TP63: variants seen among roughly 807,000 people sequenced by gnomAD.
The protein encoded by TP63 is tumor protein p63.
TP63 carries 17 observed loss-of-function variants against 82.8 expected under a neutral mutation model. That is an observed-to-expected ratio of 0.21 (90% CI 0.14 to 0.31). The LOEUF (loss-of-function observed/expected upper bound fraction) is 0.31, where lower values mean the gene tolerates loss of function less well. Among genes scored for constraint, TP63 ranks in the 10% least tolerant of loss-of-function variants. The probability of loss-of-function intolerance (pLI) is 1.00; values close to 1 mark genes in which losing one functional copy is unlikely to be tolerated. For missense variants in TP63, 648 were observed against 895.3 expected (o/e 0.72, Z 3.52); for synonymous variants, 330 against 321.7 (o/e 1.03, Z -0.28).
At chr3:189,861,773 TAA>T in intron 4 of TP63, among the ~76,000 whole-genome samples, 1 of 152,180 alleles carries the variant, frequency 6.6e-6, no homozygotes, top group East Asian at 1.9e-4. Context: ...TAGAAAAAGG[TAA>T]ACATTTGCAT....
At chr3:189,839,572 T>C (rs918432927) in intron 4 of TP63, among the ~76,000 whole-genome samples, 1 of 152,254 alleles carries the variant, frequency 6.6e-6, no homozygotes, top group African/African-American at 2.4e-5. Context: ...TCTTATACGG[T>C]AATATTAACT....
chr3:189,891,427 G>A (rs929749559), intron 13 of TP63, among the ~76,000 whole-genome samples: 6 of 152,126 alleles, frequency 3.9e-5, no homozygotes, highest in South Asian at 2.1e-4. Flanking sequence ...AGATTCAGCC[G>A]TTCCTCTCAA....
At chr3:189,847,535 G>A (rs1046600876) in intron 4 of TP63, among the ~76,000 whole-genome samples, 19 of 152,164 alleles carry the variant, frequency 1.2e-4, no homozygotes, top group South Asian at 4.1e-4. Flanking sequence ...GAGGCCAATC[G>A]TTTTTGAAAA....
At chr3:189,894,161 T>C in intron 13 of TP63, 45 bp from the exon 14 acceptor site, 1 of 1,612,986 alleles carries the variant, frequency 6.2e-7, no homozygotes, top group South Asian at 1.1e-5. Context: ...ATGTCCGTTT[T>C]TCTCCCTGTT....
At chr3:189,740,299 C>T (rs1720889471) in intron 3 of TP63, among the ~76,000 whole-genome samples, 1 of 152,114 alleles carries the variant, frequency 6.6e-6, no homozygotes, top group African/African-American at 2.4e-5. Flanking sequence ...AAAATTAGGA[C>T]ATTCCCAATT....
intron 1 of TP63, among the ~76,000 whole-genome samples, chr3:189,638,176 A>G (rs967254247): frequency 3.3e-5 from 5 of 152,150 alleles, no homozygotes; most frequent in Non-Finnish European, 5.9e-5. Context: ...CATGGCAGCA[A>G]TAGGAAACTA....
At chr3:189,609,055 A>C in the TP63 span, among the ~76,000 whole-genome samples, 1 of 152,122 alleles carries the variant, frequency 6.6e-6, no homozygotes, top group Non-Finnish European at 1.5e-5. Context: ...ATACCTCCAG[A>C]CTGATTGTAC....
At chr3:189,868,164 A>C (rs187443895) in intron 7 of TP63, among the ~76,000 whole-genome samples, 1 of 152,332 alleles carries the variant, frequency 6.6e-6, no homozygotes, top group African/African-American at 2.4e-5. Context: ...AAAGTGTGCA[A>C]GTCACTTCAT....
At chr3:189,609,627 G>A in the TP63 span, among the ~76,000 whole-genome samples, 1 of 152,060 alleles carries the variant, frequency 6.6e-6, no homozygotes, top group African/African-American at 2.4e-5. Context: ...GTGAGAACAT[G>A]CAGTATTTGT....
intron 10 of TP63, among the ~76,000 whole-genome samples, chr3:189,875,122 G>A (rs1718890538): frequency 6.6e-6 from 1 of 151,652 alleles, no homozygotes. Context: ...ACTCAGCTCT[G>A]TGGTTGTAGC....
At chr3:189,765,684 C>T (rs924550822) in intron 3 of TP63, among the ~76,000 whole-genome samples, 25 of 151,614 alleles carry the variant, frequency 1.6e-4, no homozygotes, top group Admixed American at 3.9e-4. Flanking sequence ...CCGCCCACCT[C>T]GGCCTCCCAA....
upstream of TP63, chr3:189,631,129 C>T: frequency 1.5e-6 from 1 of 662,100 alleles, no homozygotes; most frequent in Non-Finnish European, 1.9e-6. Flanking sequence ...TGATGCCATT[C>T]ATGCCAGCAT....
intron 1 of TP63, among the ~76,000 whole-genome samples, chr3:189,709,036 A>T (rs1001068404): frequency 1.3e-5 from 2 of 152,198 alleles, no homozygotes; most frequent in Non-Finnish European, 2.9e-5. Flanking sequence ...CCATATAGTT[A>T]GTTAGATTCA....
At chr3:189,632,607 T>C (rs1331360011) in intron 1 of TP63, among the ~76,000 whole-genome samples, 1 of 151,842 alleles carries the variant, frequency 6.6e-6, no homozygotes, top group African/African-American at 2.4e-5. Flanking sequence ...GGCAGAAAGA[T>C]AAATAGAATA....
chr3:189,710,588 G>A (rs1022086184), intron 1 of TP63, among the ~76,000 whole-genome samples: 16 of 151,902 alleles, frequency 1.1e-4, no homozygotes, highest in Non-Finnish European at 2.1e-4. Flanking sequence ...CTAGTTCCTG[G>A]ACTCACAAAA....
At chr3:189,697,876 T>C (rs1041033785) in intron 1 of TP63, among the ~76,000 whole-genome samples, 6 of 130,210 alleles carry the variant, frequency 4.6e-5, no homozygotes, top group African/African-American at 1.7e-4. Flanking sequence ...TTTCTGTATA[T>C]TACCCTTGTA....
At chr3:189,636,039 C>A (rs186336893) in intron 1 of TP63, among the ~76,000 whole-genome samples, 1 of 152,184 alleles carries the variant, frequency 6.6e-6, no homozygotes, top group Non-Finnish European at 1.5e-5. Context: ...TGTTTATACA[C>A]AGTTGTTTAT....
intron 1 of TP63, among the ~76,000 whole-genome samples, chr3:189,639,032 G>T (rs1438439951): frequency 6.6e-6 from 1 of 152,150 alleles, no homozygotes; most frequent in Non-Finnish European, 1.5e-5. Context: ...TGGATTGTAA[G>T]ATTAAAGTGA....
At chr3:189,748,403 TGAGA>T (rs1359127797) in intron 3 of TP63, among the ~76,000 whole-genome samples, 18 of 148,874 alleles carry the variant, frequency 1.2e-4, no homozygotes, top group African/African-American at 4.2e-4. Context: ...ACAAACTAGC[TGAGA>T]AAGAAATCAA....
Sources: gnomAD v4.1 joint callset for allele counts (sites outside exome capture counted in the v4.1 genomes callset) on GRCh38, gnomAD v4.1.1 for gene constraint, MANE v1.5 for transcripts, NCBI Gene and HGNC (gene_info 2026-07-23, HGNC 2026-07-21) for gene names.